The following PTPRN2 variants were observed in gnomAD, a reference collection of about 807,000 sequenced individuals.
PTPRN2 encodes the protein protein tyrosine phosphatase receptor type N2, also known as receptor-type tyrosine-protein phosphatase N2.
Under a neutral mutation model 118.8 loss-of-function variants are expected in PTPRN2, and 74 were observed. The ratio of observed to expected loss-of-function variants is 0.62; its 90% CI spans 0.52 to 0.76. The LOEUF is 0.76. PTPRN2 is among the 30% of genes least tolerant of loss of function. PTPRN2 has a pLI of 0.00. For missense variants in PTPRN2, 1,481 were observed against 1,394.4 expected (o/e 1.06, Z -0.99); for synonymous variants, 641 against 608.0 (o/e 1.05, Z -0.80).
At chr7:157,649,204 G>A (rs1412043022) in intron 14 of PTPRN2, among the ~76,000 whole-genome samples, 6 of 110,934 alleles carry the variant, frequency 5.4e-5, no homozygotes, top group Admixed American at 9.2e-5. Flanking sequence ...CACTGAACTC[G>A]GTGGGTCAGA....
intron 11 of PTPRN2, among the ~76,000 whole-genome samples, chr7:158,047,359 T>C (rs1012724092): frequency 2.6e-5 from 4 of 152,238 alleles, no homozygotes; most frequent in East Asian, 3.8e-4. Context: ...ACAAGGAGTA[T>C]ACACACATCA....
At chr7:157,660,450 C>A (rs1563316964) in intron 13 of PTPRN2, among the ~76,000 whole-genome samples, 1 of 152,104 alleles carries the variant, frequency 6.6e-6, no homozygotes, top group Non-Finnish European at 1.5e-5. Context: ...TTATTTTTCT[C>A]CCAAAGTCAC....
At position 157,596,065 on chromosome 7, in the gene PTPRN2, T is replaced by C. The variant is rs1801321040; in HGVS notation, c.2419-750A>G. On this transcript the variant is annotated intron_variant, in intron 16 of 22. Coordinates refer to ENST00000389418, the MANE Select transcript of PTPRN2 (RefSeq NM_002847.5). The surrounding 1 kb of genome is among the most constrained non-coding windows in gnomAD (Gnocchi z 4.2). ...GTGTTCAGGAGAACGAGCCTCTTGC[T>C]AGAGCCACAGGGCTGGCTGGGGTGA... Among the ~76,000 whole-genome samples, 1 of 152,222 alleles carries C rather than the reference T, an allele frequency of 6.6e-6. No individual in the cohort carries two copies. The highest frequency in any genetic ancestry group is 2.4e-5 in the African/African-American group (1 of 41,458).
At position 158,069,543 on chromosome 7, in the gene PTPRN2, C is replaced by T. The variant is rs147267088; in HGVS notation, c.1723+11755G>A. Among the ~76,000 whole-genome samples the T allele has an allele frequency of 9.1e-3, 1,369 of 150,542 alleles. 10 individuals carry two copies. Among genetic ancestry groups the T allele is most frequent in the Middle Eastern group, 0.024 (7 of 292 alleles). On this transcript the variant is annotated intron_variant, in intron 11 of 22. Transcript: ENST00000389418. The stretch of plus-strand genomic sequence containing the variant: ...AAAGTGCTGAGATGACAGGCTCGGC[C>T]GCCACGCCCCACCTCCTCCATTCTT...
At chr7:158,169,471 G>C (rs979117471) in intron 5 of PTPRN2, among the ~76,000 whole-genome samples, 2 of 148,324 alleles carry the variant, frequency 1.3e-5, no homozygotes, top group Non-Finnish European at 1.5e-5. Flanking sequence ...AGTAGAAATG[G>C]GGTTTTACTA....
intron 11 of PTPRN2, among the ~76,000 whole-genome samples, chr7:157,956,971 C>G (rs1262727805): frequency 6.6e-6 from 1 of 152,190 alleles, no homozygotes; most frequent in South Asian, 2.1e-4. Context: ...TGAGCCCATT[C>G]TGTTTTGAAT....
chr7:158,063,354 C>T (rs975546181), intron 11 of PTPRN2, among the ~76,000 whole-genome samples: 1 of 152,192 alleles, frequency 6.6e-6, no homozygotes, highest in South Asian at 2.1e-4. Flanking sequence ...CAGTGTCTAG[C>T]TCAGGGATTG....
chr7:157,876,533 T>G (rs1020206287), intron 12 of PTPRN2, among the ~76,000 whole-genome samples: 55 of 152,326 alleles, frequency 3.6e-4, no homozygotes, highest in Admixed American at 2.0e-3. Context: ...GGTCCTCTCA[T>G]GAGTAAACGG....
chr7:158,186,291 G>A (rs1825125012), intron 5 of PTPRN2, among the ~76,000 whole-genome samples: 1 of 151,952 alleles, frequency 6.6e-6, no homozygotes, highest in African/African-American at 2.4e-5. Flanking sequence ...CTTTTCCTGT[G>A]TCCTCAGCTC....
intron 11 of PTPRN2, among the ~76,000 whole-genome samples, chr7:157,998,674 T>C (rs1804973870): frequency 6.6e-6 from 1 of 151,958 alleles, no homozygotes; most frequent in South Asian, 2.1e-4. Context: ...AATACAAAAA[T>C]TAGCTGGGTG....
Position 157,671,270 on chromosome 7 carries a change from T to C in PTPRN2, c.2001+11455A>G, listed in dbSNP as rs182384400. 3.9e-4 allele frequency among the ~76,000 whole-genome samples: 59 copies of C among 152,188 alleles called. No individual in the cohort carries two copies. Among genetic ancestry groups the C allele is most frequent in the African/African-American group, 1.3e-3 (56 of 41,540 alleles). ...AAGGCTGTCCCCACACGGGCTGGTC[T>C]GGTGTGGGCAACAAGGCCCGCTCTG... On this transcript the variant is annotated intron_variant, in intron 13 of 22. Transcript: ENST00000389418. This position sits in a 1 kb window ranked among gnomAD's most constrained non-coding sequence, Gnocchi z 4.1.
chr7:158,168,301 C>T (rs182087189), intron 5 of PTPRN2, among the ~76,000 whole-genome samples: 2 of 152,318 alleles, frequency 1.3e-5, no homozygotes, highest in Admixed American at 6.5e-5. Context: ...CACGGCAGCT[C>T]GGAGTTACTG....
At chr7:158,363,305 A>G (rs10949719) in intron 2 of PTPRN2, among the ~76,000 whole-genome samples, 146,046 of 152,106 alleles carry the variant, frequency 0.96, 70,163 homozygotes, top group African/African-American at 0.98. Flanking sequence ...AGGTGCTCGC[A>G]GAGGCCCTGA....
At chr7:157,648,455 C>T (rs1390768390) in intron 14 of PTPRN2, among the ~76,000 whole-genome samples, 2 of 108,936 alleles carry the variant, frequency 1.8e-5, no homozygotes, top group Admixed American at 9.7e-5. Flanking sequence ...GCACTGAACT[C>T]GGTGGGTCGG....
intron 17 of PTPRN2, among the ~76,000 whole-genome samples, chr7:157,578,711 T>C (rs190530572): frequency 2.6e-5 from 4 of 152,258 alleles, no homozygotes; most frequent in African/African-American, 7.2e-5. Context: ...ATTAGCCACA[T>C]TGAAACACAA....
At chr7:158,507,229 GCA>G (rs1777069570) in intron 1 of PTPRN2, among the ~76,000 whole-genome samples, 1 of 150,184 alleles carries the variant, frequency 6.7e-6, no homozygotes, top group Non-Finnish European at 1.5e-5. Flanking sequence ...GCAGGAAATT[GCA>G]CACAGAGAGG....
rs2043492 is a variant in PTPRN2 at position 157,890,770 on chromosome 7, A to G, written c.1788+7903T>C. 0.011 allele frequency among the ~76,000 whole-genome samples: 1,701 copies of G among 152,246 alleles called. 147 individuals carry two copies. In the East Asian group the frequency reaches 0.23, roughly 20 times the overall value. On this transcript the variant is annotated intron_variant, in intron 12 of 22. Transcript: ENST00000389418. ...ACCACAGGGCCTCCGGTCTCACACA[A>G]ATCATTTTGGCTGGAGAGCCCTTTG...
intron 2 of PTPRN2, among the ~76,000 whole-genome samples, chr7:158,439,796 A>G (rs1816852358): frequency 3.9e-5 from 6 of 152,230 alleles, no homozygotes; most frequent in Admixed American, 3.9e-4. Flanking sequence ...GTGGAGCTCC[A>G]GGCTTATTTA....
intron 13 of PTPRN2, among the ~76,000 whole-genome samples, chr7:157,679,757 C>T (rs1027821858): frequency 6.6e-6 from 1 of 152,194 alleles, no homozygotes; most frequent in Non-Finnish European, 1.5e-5. Flanking sequence ...CGTGCATTAT[C>T]AGGGCTGAGG....
Sources: gnomAD v4.1 joint callset for allele counts (sites outside exome capture counted in the v4.1 genomes callset) on GRCh38, gnomAD v4.1.1 for gene constraint, Gnocchi (gnomAD v3.1) non-coding constraint, MANE v1.5 for transcripts, NCBI Gene and HGNC (gene_info 2026-07-23, HGNC 2026-07-21) for gene names.